Variants in SATL1 observed in about 807,000 individuals in gnomAD.
SATL1 encodes the protein spermidine/spermine N(1)-acetyltransferase-like protein 1.
Under a neutral mutation model 51.8 loss-of-function variants are expected in SATL1, and 47 were observed. The ratio of observed to expected loss-of-function variants is 0.91; its 90% CI spans 0.72 to 1.16. The LOEUF (loss-of-function observed/expected upper bound fraction) is 1.16, where lower values mean the gene tolerates loss of function less well. SATL1 is among the 50% of genes most tolerant of loss of function. The probability of loss-of-function intolerance (pLI) is 0.00; values close to 1 mark genes in which losing one functional copy is unlikely to be tolerated. For synonymous variants in SATL1, 176 were observed against 182.4 expected, an observed-to-expected ratio of 0.97 and a Z score of 0.28; for missense variants, 520 against 526.4, an observed-to-expected ratio of 0.99 and a Z score of 0.12.
At chrX:85,190,847 C>T (rs886368364) in intron 2 of SATL1, among the ~76,000 whole-genome samples, 6 of 109,591 alleles carry the variant, frequency 5.5e-5, no homozygotes, top group Non-Finnish European at 1.1e-4. Flanking sequence ...AACCATCATT[C>T]TCAGCAAACT....
chrX:85,170,639 G>A (rs1464579632), intron 2 of SATL1, among the ~76,000 whole-genome samples: 3 of 111,413 alleles, frequency 2.7e-5, no homozygotes, highest in Non-Finnish European at 5.7e-5. Flanking sequence ...AGAAAATCAG[G>A]AATTTCCATA....
chrX:85,099,886 A>T (rs1165100396), intron 4 of SATL1, among the ~76,000 whole-genome samples: 1 of 112,293 alleles, frequency 8.9e-6, no homozygotes, highest in Non-Finnish European at 1.9e-5. Context: ...TTATGGCCAG[A>T]GCTATTAGAC....
At chrX:85,226,034 ATC>A (rs1928272300) in intron 1 of SATL1, among the ~76,000 whole-genome samples, 1 of 110,239 alleles carries the variant, frequency 9.1e-6, no homozygotes, top group Non-Finnish European at 1.9e-5. Context: ...TATGTCCTTT[ATC>A]TCTGTTTACT....
intron 2 of SATL1, among the ~76,000 whole-genome samples, chrX:85,162,855 A>G (rs897573677): frequency 1.8e-5 from 2 of 111,608 alleles, no homozygotes; most frequent in Non-Finnish European, 3.8e-5. Flanking sequence ...GCTGACTTGC[A>G]TATGTTAAAC....
intron 2 of SATL1, among the ~76,000 whole-genome samples, chrX:85,216,809 G>C (rs1214339896): frequency 1.8e-5 from 2 of 111,784 alleles, no homozygotes; most frequent in African/African-American, 3.3e-5. Context: ...TTATGCAATC[G>C]ATGTAGCTCA....
chrX:85,241,429 CAA>C (rs1298080966), intron 1 of SATL1, among the ~76,000 whole-genome samples: 2 of 111,464 alleles, frequency 1.8e-5, no homozygotes, highest in Admixed American at 1.9e-4. Flanking sequence ...GAATGTAAAA[CAA>C]AAGTTGAAAT....
intron 2 of SATL1, among the ~76,000 whole-genome samples, chrX:85,139,174 C>A (rs1180263490): frequency 9.0e-6 from 1 of 110,638 alleles, no homozygotes; most frequent in Non-Finnish European, 1.9e-5. Flanking sequence ...TACCAGAGTC[C>A]CTCAACATTT....
Position 85,108,559 on chromosome X carries a change from G to A in SATL1, c.410C>T (p.Pro137Leu). Residue 137 changes from proline (P) to leucine (L), a missense_variant, in exon 3 of 8, where the codon CCA becomes CTA. Pro to Leu is a moderately conservative substitution (Grantham distance 98). Transcript: ENST00000644105. ...CTGGCTGTCTAGTTGCTGCATCACT[G>A]GTTGGCTCATACCTGATTGGTTCGT... The part of the protein sequence containing the change: ...IGTNQSGMSQ[P>L]VMQQLDSQSG... The A allele has an allele frequency of 8.3e-7, 1 of 1,209,035 alleles. No homozygotes were observed.
chrX:85,094,634 T>G (rs1029832151), intron 5 of SATL1, among the ~76,000 whole-genome samples: 4 of 111,344 alleles, frequency 3.6e-5, no homozygotes, highest in African/African-American at 1.3e-4. Flanking sequence ...TAGTCCCAGC[T>G]ACTTGGGAGG....
intron 4 of SATL1, 30 bp downstream of exon 4, chrX:85,103,834 T>G (rs753823386): frequency 8.2e-5 from 90 of 1,102,385 alleles, no homozygotes; most frequent in Non-Finnish European, 1.1e-4. Context: ...TTTCTTTTTC[T>G]TGCTCTGAAA....
At chrX:85,167,287 T>C (rs12009438) in intron 2 of SATL1, among the ~76,000 whole-genome samples, 64 of 107,479 alleles carry the variant, frequency 6.0e-4, no homozygotes, top group African/African-American at 1.9e-3. Context: ...AGACCACACA[T>C]TGGGTACAGT....
chrX:85,146,850 C>T (rs887147104), intron 2 of SATL1, among the ~76,000 whole-genome samples: 7 of 112,430 alleles, frequency 6.2e-5, no homozygotes, highest in Admixed American at 1.9e-4. Context: ...CCAAGATGGC[C>T]GAATAGGAAC....
chrX:85,190,498 A>G (rs1277824598), intron 2 of SATL1, among the ~76,000 whole-genome samples: 1 of 111,528 alleles, frequency 9.0e-6, no homozygotes, highest in Non-Finnish European at 1.9e-5. Flanking sequence ...CAAATGTGCT[A>G]TCAACAAACT....
intron 2 of SATL1, among the ~76,000 whole-genome samples, chrX:85,161,686 A>G (rs1457141904): frequency 9.0e-6 from 1 of 110,982 alleles, no homozygotes; most frequent in Non-Finnish European, 1.9e-5. Context: ...TTAGAGACCT[A>G]CAAAGAGACT....
intron 4 of SATL1, among the ~76,000 whole-genome samples, chrX:85,095,275 C>G (rs1354676272): frequency 1.8e-5 from 2 of 111,880 alleles, no homozygotes; most frequent in Non-Finnish European, 3.8e-5. Flanking sequence ...GAACAGCAAC[C>G]TGTATTTCTG....
At position 85,236,417 on chromosome X, in the gene SATL1, A is replaced by G. The variant is rs888431684; in HGVS notation, c.-435+7171T>C. 9.9e-5 allele frequency among the ~76,000 whole-genome samples: 11 copies of G among 111,354 alleles called. No individual in the cohort carries two copies. The East Asian group carries it at 2.8e-3, about 28-fold the overall frequency. On this transcript the variant is annotated intron_variant, in intron 1 of 7. Coordinates refer to ENST00000644105, the MANE Select transcript of SATL1 (RefSeq NM_001367857.2). The stretch of plus-strand genomic sequence containing the variant: ...TACAAGTTAATAAGTTAATATTCCT[A>G]ATGAAAATTGATGCAAAAATCCTCA...
At chrX:85,161,672 G>T (rs762469434) in intron 2 of SATL1, among the ~76,000 whole-genome samples, 144 of 110,588 alleles carry the variant, frequency 1.3e-3, no homozygotes, top group African/African-American at 4.5e-3. Flanking sequence ...CATAAAGCAG[G>T]TTCTTAGAGA....
chrX:85,110,765 C>G (rs778493208), intron 2 of SATL1, among the ~76,000 whole-genome samples: 7 of 112,333 alleles, frequency 6.2e-5, no homozygotes, highest in Non-Finnish European at 1.1e-4. Context: ...CATCGCGGAA[C>G]TATGTCAAGC....
chrX:85,189,266 C>T (rs1468461237), intron 2 of SATL1, among the ~76,000 whole-genome samples: 1 of 111,710 alleles, frequency 9.0e-6, no homozygotes, highest in Admixed American at 9.5e-5. Flanking sequence ...CCTCCTACCT[C>T]ATCCTCCCCA....
Sources: allele counts gnomAD v4.1 joint callset (sites outside exome capture counted in the v4.1 genomes callset), GRCh38; gene constraint gnomAD v4.1.1; transcripts MANE v1.5; gene names NCBI Gene and HGNC (gene_info 2026-07-23, HGNC 2026-07-21).